Variants in SLC25A17 observed in about 807,000 individuals in gnomAD.
SLC25A17 encodes the protein peroxisomal membrane protein PMP34.
Under a neutral mutation model 38.5 loss-of-function variants are expected in SLC25A17, and 26 were observed. The ratio of observed to expected loss-of-function variants is 0.68; its 90% CI spans 0.50 to 0.94. SLC25A17 has a LOEUF of 0.94. Among genes scored for constraint, SLC25A17 ranks in the 40% least tolerant of loss-of-function variants. SLC25A17 has a pLI of 0.00. For synonymous variants in SLC25A17, 139 were observed against 136.2 expected, an observed-to-expected ratio of 1.02 and a Z score of -0.14; for missense variants, 333 against 372.7, an observed-to-expected ratio of 0.89 and a Z score of 0.88.
intron 1 of SLC25A17, among the ~76,000 whole-genome samples, chr22:40,807,641 C>G (rs929643396): frequency 6.6e-6 from 1 of 152,006 alleles, no homozygotes; most frequent in African/African-American, 2.4e-5. Context: ...CCCAGCTACT[C>G]AGGAGGCTGA....
At chr22:40,794,020 C>A (rs1045330821) in intron 3 of SLC25A17, among the ~76,000 whole-genome samples, 7 of 152,100 alleles carry the variant, frequency 4.6e-5, no homozygotes, top group African/African-American at 1.7e-4. Context: ...GGGAGAGAGA[C>A]AGCATGAGCA....
intron 1 of SLC25A17, among the ~76,000 whole-genome samples, chr22:40,802,655 G>T (rs1340041775): frequency 6.6e-6 from 1 of 151,586 alleles, no homozygotes; most frequent in Non-Finnish European, 1.5e-5. Context: ...CAAAAAAAAA[G>T]AAAATTCAAA....
At position 40,770,988 on chromosome 22, in the gene SLC25A17, G is replaced by C; in HGVS notation, c.777-7C>G. ...TCCCATTATTCCAAAACGTCTAAAG[G>C]GAAAGAGGTTTGAAAAAACAGAAGT... On this transcript the variant is annotated splice_polypyrimidine_tract_variant and splice_region_variant and intron_variant, in intron 8 of 8. Coordinates refer to ENST00000435456, the MANE Select transcript of SLC25A17 (RefSeq NM_006358.4). 2 of 1,560,424 alleles carry C rather than the reference G, an allele frequency of 1.3e-6. No homozygotes were observed. The highest frequency in any genetic ancestry group is 1.7e-6 in the Non-Finnish European group (2 of 1,148,408).
At chr22:40,794,700 A>C (rs956435997) in intron 2 of SLC25A17, 120 bp from the exon 3 acceptor site, 7 of 429,630 alleles carry the variant, frequency 1.6e-5, no homozygotes, top group Admixed American at 1.0e-4. Flanking sequence ...GCTCACTGCA[A>C]CCTCCACCTC....
intron 7 of SLC25A17, among the ~76,000 whole-genome samples, chr22:40,775,974 C>A (rs1053659047): frequency 6.6e-6 from 1 of 152,156 alleles, no homozygotes; most frequent in Non-Finnish European, 1.5e-5. Context: ...GACTAACACA[C>A]ACATCATGCT....
chr22:40,788,272 T>G (rs947602817), intron 4 of SLC25A17, among the ~76,000 whole-genome samples: 10 of 152,344 alleles, frequency 6.6e-5, no homozygotes, highest in South Asian at 2.1e-4. Flanking sequence ...TTTTTAGTGC[T>G]ATGACATGAT....
At chr22:40,814,749 T>C (rs1602633561) in intron 1 of SLC25A17, among the ~76,000 whole-genome samples, 1 of 102,860 alleles carries the variant, frequency 9.7e-6, no homozygotes, top group East Asian at 2.7e-4. Flanking sequence ...AGGCAGTACG[T>C]GCAGAATATA....
At chr22:40,794,400 A>G in intron 3 of SLC25A17, 114 bp downstream of exon 3, 1 of 611,918 alleles carries the variant, frequency 1.6e-6, no homozygotes, top group East Asian at 2.9e-5. Flanking sequence ...GGCAATTCCA[A>G]ATTCACAACA....
At chr22:40,788,545 GC>G (rs1458573763) in intron 4 of SLC25A17, among the ~76,000 whole-genome samples, 1 of 152,060 alleles carries the variant, frequency 6.6e-6, no homozygotes, top group Non-Finnish European at 1.5e-5. Context: ...ACAAAAATTA[GC>G]CAGGCGTGGT....
At chr22:40,814,754 AATATATATATATAT>A (rs10527651) in intron 1 of SLC25A17, among the ~76,000 whole-genome samples, 86,441 of 135,222 alleles carry the variant, frequency 0.64, 27,241 homozygotes, top group Admixed American at 0.73. Flanking sequence ...GTACGTGCAG[AATATATATATATAT>A]ATATATATAT....
chr22:40,773,470 G>A (rs1569397741), intron 8 of SLC25A17, among the ~76,000 whole-genome samples: 1 of 148,836 alleles, frequency 6.7e-6, no homozygotes, highest in East Asian at 2.0e-4. Flanking sequence ...CTAGGTCAGT[G>A]TCTGCCACAT....
chr22:40,812,298 A>C (rs1259988203), intron 1 of SLC25A17, among the ~76,000 whole-genome samples: 2 of 152,204 alleles, frequency 1.3e-5, no homozygotes, highest in Admixed American at 6.5e-5. Context: ...TCCTGTAAAT[A>C]TCTAAAGTAT....
intron 4 of SLC25A17, among the ~76,000 whole-genome samples, chr22:40,781,269 G>A (rs1324168914): frequency 1.3e-5 from 2 of 148,272 alleles, no homozygotes; most frequent in Non-Finnish European, 3.0e-5. Context: ...TTTTTGAGAC[G>A]GAGTCTCGCT....
At chr22:40,808,894 T>C (rs1352070090) in intron 1 of SLC25A17, among the ~76,000 whole-genome samples, 1 of 152,134 alleles carries the variant, frequency 6.6e-6, no homozygotes, top group East Asian at 1.9e-4. Context: ...TCTCTCACAG[T>C]GTGTAGCAAA....
At chr22:40,805,239 G>A (rs975872438) in intron 1 of SLC25A17, among the ~76,000 whole-genome samples, 4 of 152,202 alleles carry the variant, frequency 2.6e-5, no homozygotes, top group Admixed American at 6.5e-5. Context: ...GGAGGCTGAG[G>A]CAGGAGAATC....
At position 40,805,153 on chromosome 22, in the gene SLC25A17, G is replaced by A. The variant is rs187737551; in HGVS notation, c.55-6070C>T. On this transcript the variant is annotated intron_variant, in intron 1 of 8. Transcript: ENST00000435456. ...AGTTCAAGACCAGCCTAGCTAAAAC[G>A]GTGAAATCCTATCTCTATTAAAAAT... 5.5e-4 allele frequency among the ~76,000 whole-genome samples: 83 copies of A among 152,246 alleles called. 1 individual carries two copies. The highest frequency in any genetic ancestry group is 4.0e-4 in the Non-Finnish European group (27 of 68,012).
At chr22:40,781,932 C>T (rs1377166111) in intron 4 of SLC25A17, among the ~76,000 whole-genome samples, 1 of 151,920 alleles carries the variant, frequency 6.6e-6, no homozygotes, top group Admixed American at 6.6e-5. Context: ...AACTCTTCTG[C>T]CAGTTCCGGC....
At chr22:40,781,992 CG>C (rs1569401823) in intron 4 of SLC25A17, among the ~76,000 whole-genome samples, 2 of 152,034 alleles carry the variant, frequency 1.3e-5, no homozygotes, top group African/African-American at 4.8e-5. Context: ...GAGGCTGAGG[CG>C]GGTGGATCAC....
At chr22:40,791,629 C>T (rs1337252357) in intron 4 of SLC25A17, among the ~76,000 whole-genome samples, 1 of 152,128 alleles carries the variant, frequency 6.6e-6, no homozygotes, top group Non-Finnish European at 1.5e-5. Flanking sequence ...GGCCAACAAA[C>T]ATATGAAAAG....
Sources: allele counts gnomAD v4.1 joint callset (sites outside exome capture counted in the v4.1 genomes callset), GRCh38; gene constraint gnomAD v4.1.1; transcripts MANE v1.5; gene names NCBI Gene and HGNC (gene_info 2026-07-23, HGNC 2026-07-21).